Variants in CTNND1 observed in about 807,000 individuals in gnomAD.
CTNND1 encodes catenin delta 1, also known as catenin delta-1.
Under a neutral mutation model 112.1 loss-of-function variants are expected in CTNND1, and 16 were observed. The observed-to-expected ratio is 0.14, with a 90% CI of 0.10 to 0.22. CTNND1 has a LOEUF of 0.22. CTNND1 is among the 10% of genes least tolerant of loss of function. The probability of loss-of-function intolerance (pLI) is 1.00; values close to 1 mark genes in which losing one functional copy is unlikely to be tolerated. For missense variants in CTNND1, 1,008 were observed against 1,257.0 expected, an observed-to-expected ratio of 0.80 and a Z score of 3.00; for synonymous variants, 420 against 446.5, an observed-to-expected ratio of 0.94 and a Z score of 0.75.
intron 6 of CTNND1, 80 bp from the exon 7 acceptor site, chr11:57,801,653 C>A: frequency 1.7e-6 from 2 of 1,146,788 alleles, no homozygotes; most frequent in Non-Finnish European, 2.5e-6. Context: ...TCCTCCTTTG[C>A]AGATGAGGGT....
rs373593916 is a variant in CTNND1 at position 57,782,968 on chromosome 11, C to T, written c.-213-6069C>T. Among the ~76,000 whole-genome samples the T allele has an allele frequency of 3.3e-5, 5 of 152,222 alleles. No individual in the cohort carries two copies. The South Asian group carries it at 1.0e-3, about 31-fold the overall frequency. ...AGTCTTCCCAGTGAAGTGAGAAATA[C>T]TAGAACTGTTCTGACTGAGCATGAA... On this transcript the variant is annotated intron_variant, in intron 1 of 20. Transcript: ENST00000399050.
chr11:57,805,731 C>A, intron 9 of CTNND1, 151 bp from the exon 10 acceptor site: 1 of 822,830 alleles, frequency 1.2e-6, no homozygotes, highest in Non-Finnish European at 1.8e-6. Context: ...TTTCAAGAAG[C>A]CTGGAGCACT....
intron 11 of CTNND1, 65 bp downstream of exon 11, chr11:57,806,543 A>AGT: frequency 7.0e-7 from 1 of 1,428,518 alleles, no homozygotes; most frequent in South Asian, 1.2e-5. Context: ...TAGCTTCCCT[A>AGT]GTATGTCCTT....
chr11:57,812,471 G>C (rs1202375318), intron 17 of CTNND1, among the ~76,000 whole-genome samples: 2 of 152,048 alleles, frequency 1.3e-5, no homozygotes, highest in Non-Finnish European at 2.9e-5. Context: ...AGTGAGCCGA[G>C]ATTGCACCAC....
rs201712948 is a variant in CTNND1 at position 57,795,644 on chromosome 11, A to C, written c.335A>C (p.Tyr112Ser). The change falls in exon 5 of 21, where the codon TAC becomes TCC. Residue 112 changes from tyrosine to serine, a missense_variant. Coordinates refer to ENST00000399050, the MANE Select transcript of CTNND1 (RefSeq NM_001085458.2). ...MQEPGQIVET[Y>S]TEEDPEGAMS... is the part of the protein sequence containing the mutation. ...GAGCCGGGGCAGATTGTGGAGACCT[A>C]CACGGAGGAGGATCCTGAGGGAGCC... is the stretch of plus-strand genomic sequence containing the variant. 32 of 1,610,386 alleles carry C rather than the reference A, an allele frequency of 2.0e-5. No individual in the cohort carries two copies. The highest frequency in any genetic ancestry group is 2.5e-5 in the Non-Finnish European group (30 of 1,178,366).
intron 1 of CTNND1, among the ~76,000 whole-genome samples, chr11:57,763,021 A>G (rs1450740927): frequency 6.6e-6 from 1 of 152,242 alleles, no homozygotes; most frequent in African/African-American, 2.4e-5. Flanking sequence ...AATACATTTC[A>G]GAAAACAAGG....
In CTNND1 at chr11:57,802,135, G is replaced by A; in HGVS notation, c.1359G>A (p.Val453=). The A allele has an allele frequency of 1.2e-6, 2 of 1,613,996 alleles. No individual in the cohort carries two copies. The highest frequency in any genetic ancestry group is 1.7e-6 in the Non-Finnish European group (2 of 1,179,886). ...NKIAIKNCDG[V]PALVRLLRKA... Reference sequence around the variant, plus strand: ...TTGCCATAAAAAACTGTGATGGTGTGCCTGCCCTTGTGCGATTGCTTCGAA... The same window carrying A: ...TTGCCATAAAAAACTGTGATGGTGTACCTGCCCTTGTGCGATTGCTTCGAA... Residue 453 remains valine, a synonymous_variant, in exon 7 of 21, where the codon GTG becomes GTA. Coordinates refer to ENST00000399050, the MANE Select transcript of CTNND1 (RefSeq NM_001085458.2).
intron 1 of CTNND1, among the ~76,000 whole-genome samples, chr11:57,762,421 A>G (rs544573046): frequency 6.6e-6 from 1 of 152,202 alleles, no homozygotes; most frequent in Non-Finnish European, 1.5e-5. Context: ...AGCCCAAATC[A>G]AAAGTTGGTT....
chr11:57,816,160 G>T, intron 20 of CTNND1, 137 bp from the exon 21 acceptor site: 1 of 1,228,514 alleles, frequency 8.1e-7, no homozygotes, highest in Non-Finnish European at 1.2e-6. Context: ...CCTCTTACGA[G>T]TCTGGGACAT....
intron 6 of CTNND1, among the ~76,000 whole-genome samples, chr11:57,798,368 A>G (rs1213627972): frequency 6.6e-6 from 1 of 151,814 alleles, no homozygotes; most frequent in Non-Finnish European, 1.5e-5. Flanking sequence ...AAAAAGCCAA[A>G]AAAACCCCAA....
At chr11:57,801,700 A>G (rs771060763) in intron 6 of CTNND1, 33 bp from the exon 7 acceptor site, 11 of 1,562,106 alleles carry the variant, frequency 7.0e-6, no homozygotes, top group Non-Finnish European at 9.6e-6. Context: ...TAATGACTTG[A>G]TGTATTCTCT....
intron 9 of CTNND1, 59 bp downstream of exon 9, chr11:57,804,839 A>G (rs2062447409): frequency 8.0e-7 from 1 of 1,251,210 alleles, no homozygotes; most frequent in Non-Finnish European, 1.2e-6. Context: ...ACTATGAAGT[A>G]TCTGTAGGTC....
chr11:57,805,953 G>C lies in CTNND1; in HGVS notation c.1794G>C (p.Glu598Asp). Residue 598 changes from glutamate to aspartate, a missense_variant, in exon 10 of 21, where the codon GAG becomes GAC. By Grantham distance (45) the Glu-to-Asp change is conservative (BLOSUM62 2). This residue lies in a region of CTNND1 where 254 missense variants were observed against 279.5 expected (regional missense o/e 0.91). Coordinates refer to ENST00000399050, the MANE Select transcript of CTNND1 (RefSeq NM_001085458.2). Reference protein sequence around the residue: ...YQVHREIPQAERYQEAAPNVA... With the variant: ...YQVHREIPQADRYQEAAPNVA... ...TTCACCGGGAGATCCCACAGGCAGA[G>C]CGTTACCAAGAGGCAGCTCCCAATG... is the stretch of plus-strand genomic sequence containing the variant. 6.2e-7 allele frequency: 1 copy of C among 1,613,412 alleles called. No homozygotes were observed.
At position 57,791,688 on chromosome 11, in the gene CTNND1, C is replaced by T. The variant is rs1297959757; in HGVS notation, c.195+15C>T. The T allele has an allele frequency of 6.5e-7, 1 of 1,527,416 alleles. No individual in the cohort carries two copies. The highest frequency in any genetic ancestry group is 2.0e-5 in the Admixed American group (1 of 50,326). The allele number at this position is 1,527,416 out of a possible 1,614,324, so 94.6% of individuals were successfully genotyped here. A position where few individuals can be genotyped will look rare whatever the true frequency, so the allele number is the denominator to read the frequency against. Reference sequence around the variant, plus strand: ...GCCGGCATCAGGTAACCCCTCTCTCCATCAGACGTGCAGGTAGGACTTTGG... The same window carrying T: ...GCCGGCATCAGGTAACCCCTCTCTCTATCAGACGTGCAGGTAGGACTTTGG... On this transcript the variant is annotated intron_variant, in intron 3 of 20. Coordinates refer to ENST00000399050, the MANE Select transcript of CTNND1 (RefSeq NM_001085458.2).
intron 1 of CTNND1, among the ~76,000 whole-genome samples, chr11:57,771,921 A>C (rs1473550047): frequency 6.6e-6 from 1 of 151,938 alleles, no homozygotes; most frequent in Non-Finnish European, 1.5e-5. Flanking sequence ...AAGTGGGATC[A>C]AAATTTTTCT....
At chr11:57,765,277 G>T (rs1437920520) in intron 1 of CTNND1, among the ~76,000 whole-genome samples, 1 of 151,998 alleles carries the variant, frequency 6.6e-6, no homozygotes, top group Non-Finnish European at 1.5e-5. Flanking sequence ...TTAGTGTTTG[G>T]TACATACTGA....
Position 57,797,021 on chromosome 11 carries a change from G to T in CTNND1, c.956+29G>T, listed in dbSNP as rs978943236. The T allele has an allele frequency of 3.5e-6, 5 of 1,430,026 alleles. No individual in the cohort carries two copies. The African/African-American group carries it at 7.1e-5, about 20-fold the overall frequency. 88.6% of individuals were successfully genotyped at this position (1,430,026 alleles called of 1,614,324 possible). ...GGCAAGAATAGGGGAAGAGAAAAGG[G>T]TCTTTCCAAGACCAGGGACAAGGGG... On this transcript the variant is annotated intron_variant, in intron 6 of 20. Transcript: ENST00000399050.
At chr11:57,808,050 TGGTATAGAA>T in intron 12 of CTNND1, 106 bp from the exon 13 acceptor site, 1 of 1,120,728 alleles carries the variant, frequency 8.9e-7, no homozygotes, top group African/African-American at 1.5e-5. Flanking sequence ...GGGAACCTGA[TGGTATAGAA>T]GCATAAATCC....
At chr11:57,772,261 G>A (rs1221662218) in intron 1 of CTNND1, among the ~76,000 whole-genome samples, 1 of 151,964 alleles carries the variant, frequency 6.6e-6, no homozygotes, top group African/African-American at 2.4e-5. Context: ...GAGAAATACT[G>A]TATATTTCTC....
Sources: gnomAD v4.1 joint callset for allele counts (sites outside exome capture counted in the v4.1 genomes callset) on GRCh38, gnomAD v4.1.1 for gene constraint, gnomAD v4.1.1 regional missense constraint, MANE v1.5 for transcripts, NCBI Gene and HGNC (gene_info 2026-07-23, HGNC 2026-07-21) for gene names.